CACNG3: variants seen among roughly 807,000 people sequenced by gnomAD.
CACNG3 encodes calcium voltage-gated channel auxiliary subunit gamma 3.
Under a neutral mutation model 28.5 loss-of-function variants are expected in CACNG3, and 3 were observed. The ratio of observed to expected loss-of-function variants is 0.11; its 90% CI spans 0.05 to 0.27. CACNG3 has a LOEUF of 0.27. Ranked by LOEUF, CACNG3 falls within the 10% of genes least tolerant of loss-of-function variation. The pLI is 1.00. For synonymous variants in CACNG3, 174 were observed against 162.2 expected (o/e 1.07, Z -0.55); for missense variants, 236 against 414.4 (o/e 0.57, Z 3.74).
chr16:24,298,348 G>A (rs1461086376), intron 1 of CACNG3, among the ~76,000 whole-genome samples: 2 of 151,912 alleles, frequency 1.3e-5, no homozygotes, highest in Admixed American at 1.3e-4. Flanking sequence ...AAATTATTTA[G>A]TTAATCCCCA....
chr16:24,315,518 C>CTTCT (rs893708276), intron 1 of CACNG3, among the ~76,000 whole-genome samples: 2 of 143,906 alleles, frequency 1.4e-5, no homozygotes, highest in African/African-American at 5.1e-5. Flanking sequence ...CTTTCTTTTC[C>CTTCT]TTCTTTCTTT....
At chr16:24,293,305 A>G (rs1898989042) in intron 1 of CACNG3, among the ~76,000 whole-genome samples, 2 of 151,998 alleles carry the variant, frequency 1.3e-5, no homozygotes, top group South Asian at 4.2e-4. Context: ...CCAGAAGGAG[A>G]GGATGGGTCT....
At position 24,361,819 on chromosome 16, in the gene CACNG3, T is replaced by A. The variant is rs777036867; in HGVS notation, c.904T>A (p.Ser302Thr). Residue 302 changes from serine (S) to threonine (T), a missense_variant, in exon 4 of 4, where the codon TCA becomes ACA. Coordinates refer to ENST00000005284, the MANE Select transcript of CACNG3 (RefSeq NM_006539.4). This position sits in a 1 kb window ranked among gnomAD's most constrained non-coding sequence, Gnocchi z 6.8. Reference sequence around the variant, plus strand: ...TTCCACACCCAAAGAGTTCAAAGAGTCACTGCATAATAATCCGGCCAACAG... The same window carrying A: ...TTCCACACCCAAAGAGTTCAAAGAGACACTGCATAATAATCCGGCCAACAG... ...HNSTPKEFKE[S>T]LHNNPANRRT... 2 of 1,612,990 alleles carry A rather than the reference T, an allele frequency of 1.2e-6. No homozygotes were observed. The highest frequency in any genetic ancestry group is 1.7e-6 in the Non-Finnish European group (2 of 1,179,904).
At chr16:24,335,355 A>G (rs1899688816) in intron 1 of CACNG3, among the ~76,000 whole-genome samples, 1 of 152,148 alleles carries the variant, frequency 6.6e-6, no homozygotes, top group African/African-American at 2.4e-5. Context: ...GGGAGGCAGA[A>G]GTTGCAGTGA....
intron 1 of CACNG3, among the ~76,000 whole-genome samples, chr16:24,317,638 GAAAGAAAA>G (rs1899386748): frequency 3.8e-5 from 2 of 52,002 alleles, no homozygotes; most frequent in Admixed American, 2.2e-4. Context: ...CAGACAGAAA[GAAAGAAAA>G]GAAAAGAAAG....
chr16:24,287,198 T>C (rs557135781), intron 1 of CACNG3, among the ~76,000 whole-genome samples: 1 of 152,322 alleles, frequency 6.6e-6, no homozygotes, highest in African/African-American at 2.4e-5. Flanking sequence ...TCTGTTGTGA[T>C]AGGCAACAGG....
chr16:24,354,836 C>G lies in CACNG3; in HGVS notation c.299C>G (p.Ala100Gly). The G allele has an allele frequency of 6.2e-7, 1 of 1,611,980 alleles. No individual in the cohort carries two copies. The highest frequency in any genetic ancestry group is 8.5e-7 in the Non-Finnish European group (1 of 1,179,826). Residue 100 changes from alanine to glycine, a missense_variant, in exon 3 of 4, where the codon GCT becomes GGT. Ala to Gly is a moderately conservative substitution (Grantham distance 60, BLOSUM62 0). Coordinates refer to ENST00000005284, the MANE Select transcript of CACNG3 (RefSeq NM_006539.4). ...GCCTCTCTCCTTCTCTCCGCAGGAG[C>G]TGTGAGGGCCTCCAGTGTCTTCCCC... ...EQDTAEYLLR[A>G]VRASSVFPIL... is the part of the protein sequence containing the mutation.
At chr16:24,269,746 C>CAAAAAAAAAAAAAAAAAAAAA (rs1163565728) in intron 1 of CACNG3, among the ~76,000 whole-genome samples, 1 of 71,082 alleles carries the variant, frequency 1.4e-5, no homozygotes. Flanking sequence ...GACTCCATCT[C>CAAAAAAAAAAAAAAAAAAAAA]AAAAAAAAAA....
At chr16:24,257,645 A>G (rs1246005716) in intron 1 of CACNG3, among the ~76,000 whole-genome samples, 1 of 152,162 alleles carries the variant, frequency 6.6e-6, no homozygotes, top group Non-Finnish European at 1.5e-5. Flanking sequence ...TTGGATCACA[A>G]CAAAACTGAA....
intron 1 of CACNG3, among the ~76,000 whole-genome samples, chr16:24,267,231 G>C (rs193199673): frequency 6.6e-6 from 1 of 152,106 alleles, no homozygotes; most frequent in African/African-American, 2.4e-5. Flanking sequence ...CTCTCAAAGT[G>C]CTGGGATTAC....
chr16:24,352,676 A>AACACAAGCAC (rs1222154118), intron 2 of CACNG3, among the ~76,000 whole-genome samples: 2 of 152,138 alleles, frequency 1.3e-5, no homozygotes, highest in African/African-American at 4.8e-5. Context: ...AGCAGCTGAG[A>AACACAAGCAC]ACACAAGCAC....
At chr16:24,352,332 A>G (rs1200913299) in intron 2 of CACNG3, among the ~76,000 whole-genome samples, 1 of 151,740 alleles carries the variant, frequency 6.6e-6, no homozygotes, top group Non-Finnish European at 1.5e-5. Context: ...CATTCCCTAG[A>G]GGCTCCTCCA....
At chr16:24,340,389 C>A (rs536534264) in intron 1 of CACNG3, among the ~76,000 whole-genome samples, 1 of 152,088 alleles carries the variant, frequency 6.6e-6, no homozygotes, top group Admixed American at 6.6e-5. Context: ...CAGAGCGAGA[C>A]CCCGTCTCAA....
intron 1 of CACNG3, among the ~76,000 whole-genome samples, chr16:24,272,123 A>T (rs1476380683): frequency 2.8e-5 from 1 of 35,312 alleles, no homozygotes; most frequent in Admixed American, 2.1e-4. Flanking sequence ...CTTTAACTTT[A>T]AAAAAAAAAG....
rs116746298 is a variant in CACNG3 at position 24,309,124 on chromosome 16, T to C, written c.212-37610T>C. Among the ~76,000 whole-genome samples, 980 of 152,252 alleles carry C rather than the reference T, an allele frequency of 6.4e-3. 10 individuals carry two copies. Among genetic ancestry groups the C allele is most frequent in the African/African-American group, 0.022 (901 of 41,556 alleles). ...GCTCTGAGTGCAGGCACTTAACCATTGTTCGATTATCTCTCCAATGCGCAC... is the reference window on the plus strand; with the variant it reads ...GCTCTGAGTGCAGGCACTTAACCATCGTTCGATTATCTCTCCAATGCGCAC... On this transcript the variant is annotated intron_variant, in intron 1 of 3. Transcript: ENST00000005284.
intron 1 of CACNG3, among the ~76,000 whole-genome samples, chr16:24,272,143 C>G (rs1000578448): frequency 6.7e-6 from 1 of 149,504 alleles, no homozygotes; most frequent in Non-Finnish European, 1.5e-5. Flanking sequence ...GAAAGAAATC[C>G]TGGATATTTT....
intron 1 of CACNG3, among the ~76,000 whole-genome samples, chr16:24,259,803 C>T (rs1265977615): frequency 1.3e-5 from 2 of 152,156 alleles, no homozygotes; most frequent in South Asian, 2.1e-4. Flanking sequence ...GGTGATGGGT[C>T]TTCCAACACC....
chr16:24,350,172 T>C (rs754694569), intron 2 of CACNG3, among the ~76,000 whole-genome samples: 2 of 152,228 alleles, frequency 1.3e-5, no homozygotes, highest in Non-Finnish European at 2.9e-5. Context: ...CAGACACTTA[T>C]AGCCAGAGTT....
At chr16:24,301,187 G>A (rs988191691) in intron 1 of CACNG3, among the ~76,000 whole-genome samples, 2 of 151,082 alleles carry the variant, frequency 1.3e-5, no homozygotes, top group East Asian at 1.9e-4. Flanking sequence ...CTCCAGCCTG[G>A]GCAACAGAGT....
Sources: gnomAD v4.1 joint callset for allele counts (sites outside exome capture counted in the v4.1 genomes callset) on GRCh38, gnomAD v4.1.1 for gene constraint, Gnocchi (gnomAD v3.1) non-coding constraint, MANE v1.5 for transcripts, NCBI Gene and HGNC (gene_info 2026-07-23, HGNC 2026-07-21) for gene names.